ABCA13: variants seen among roughly 807,000 people sequenced by gnomAD.
The protein encoded by ABCA13 is ATP binding cassette subfamily A member 13.
Under a neutral mutation model 478.7 loss-of-function variants are expected in ABCA13, and 476 were observed. That is an observed-to-expected ratio of 0.99 (90% CI 0.92 to 1.07). The LOEUF is 1.07. ABCA13 is among the 50% of genes least tolerant of loss of function. The pLI is 0.00. For missense variants in ABCA13, 6,060 were observed against 5,910.6 expected (o/e 1.03, Z -0.83); for synonymous variants, 2,252 against 2,158.9 (o/e 1.04, Z -1.20).
intron 39 of ABCA13, among the ~76,000 whole-genome samples, chr7:48,407,862 G>T (rs1359948462): frequency 6.6e-6 from 1 of 151,982 alleles, no homozygotes; most frequent in Non-Finnish European, 1.5e-5. Context: ...TTATTAATAG[G>T]TATTATATGT....
intron 8 of ABCA13, among the ~76,000 whole-genome samples, chr7:48,237,365 T>G (rs541388206): frequency 7.2e-5 from 11 of 152,246 alleles, no homozygotes; most frequent in Non-Finnish European, 1.3e-4. Flanking sequence ...CAAGGGCAGG[T>G]TCTGTACCTG....
chr7:48,271,965 A>G lies in ABCA13; in HGVS notation c.2299A>G (p.Ile767Val). The G allele has an allele frequency of 6.2e-7, 1 of 1,613,664 alleles. No homozygotes were observed. Residue 767 changes from isoleucine (I) to valine (V), a missense_variant, in exon 17 of 62, where the codon ATT becomes GTT. Transcript: ENST00000435803. ...FHSLPSLTED[I>V]LNISSLWTNH... ...CAGCCTCCCATCTCTCACAGAGGAT[A>G]TTCTGAATATAAGTTCTCTGTGGAC...
chr7:48,471,039 T>C (rs929754001), intron 44 of ABCA13, among the ~76,000 whole-genome samples: 2 of 152,216 alleles, frequency 1.3e-5, no homozygotes, highest in African/African-American at 2.4e-5. Flanking sequence ...CTGCTACAAA[T>C]GGTTTTCATA....
chr7:48,511,178 C>G lies in ABCA13; in HGVS notation c.13619C>G (p.Ala4540Gly). Residue 4540 changes from alanine (A) to glycine (G), a missense_variant, in exon 51 of 62, where the codon GCC becomes GGC. Coordinates refer to ENST00000435803, the MANE Select transcript of ABCA13 (RefSeq NM_152701.5). ...TTCCGCAAGAACTTGGCAGCCACGGCCCTCCTGCTGTCACTTTTCGGGTAT... is the reference window on the plus strand; with the variant it reads ...TTCCGCAAGAACTTGGCAGCCACGGGCCTCCTGCTGTCACTTTTCGGGTAT... The part of the protein sequence containing the change: ...FTFRKNLAAT[A>G]LLLSLFGYAT... 6.2e-7 allele frequency: 1 copy of G among 1,612,794 alleles called. No individual in the cohort carries two copies. Among genetic ancestry groups the G allele is most frequent in the South Asian group, 1.1e-5 (1 of 90,840 alleles).
At chr7:48,562,430 A>G (rs1360062142) in intron 55 of ABCA13, among the ~76,000 whole-genome samples, 1 of 152,190 alleles carries the variant, frequency 6.6e-6, no homozygotes, top group Non-Finnish European at 1.5e-5. Flanking sequence ...ACCATGGGCA[A>G]AAACTCTTCT....
At position 48,239,156 on chromosome 7, in the gene ABCA13, T is replaced by C. The variant is rs531857014; in HGVS notation, c.898-85T>C. ...CAAGCAAATGTAAGAACTTTTACTG[T>C]GGCAAGATCGTGGTGTTATTTTTAG... On this transcript the variant is annotated intron_variant, in intron 8 of 61. Transcript: ENST00000435803. The C allele has an allele frequency of 1.1e-3, 1,501 of 1,419,098 alleles. 1 individual carries two copies. The highest frequency in any genetic ancestry group is 1.4e-3 in the Admixed American group (72 of 53,108). 87.9% of individuals were successfully genotyped at this position (1,419,098 alleles called of 1,614,324 possible). A position where few individuals can be genotyped will look rare whatever the true frequency, so the allele number is the denominator to read the frequency against.
intron 6 of ABCA13, among the ~76,000 whole-genome samples, chr7:48,228,345 A>G (rs1372787296): frequency 1.3e-5 from 2 of 152,142 alleles, no homozygotes; most frequent in Non-Finnish European, 2.9e-5. Flanking sequence ...CTCACCCTGG[A>G]GTTCCCTAAT....
At chr7:48,337,686 C>G (rs975390403) in intron 28 of ABCA13, among the ~76,000 whole-genome samples, 1 of 152,156 alleles carries the variant, frequency 6.6e-6, no homozygotes, top group African/African-American at 2.4e-5. Context: ...AGTATCTTTC[C>G]CTCTCAGCTT....
chr7:48,286,107 C>G (rs2128797240), intron 19 of ABCA13, among the ~76,000 whole-genome samples: 1 of 152,288 alleles, frequency 6.6e-6, no homozygotes, highest in African/African-American at 2.4e-5. Context: ...CCCATATACT[C>G]CCTTCCCCAC....
At chr7:48,549,382 A>G (rs889179500) in intron 55 of ABCA13, among the ~76,000 whole-genome samples, 3 of 151,864 alleles carry the variant, frequency 2.0e-5, no homozygotes, top group African/African-American at 7.2e-5. Context: ...TGTCCCTGCA[A>G]AAGGACATGA....
rs191483345 is a variant in ABCA13, at chr7:48,501,509, G to A, written c.13292-4827G>A. Among the ~76,000 whole-genome samples the A allele has an allele frequency of 1.3e-3, 202 of 152,200 alleles. 2 individuals are homozygous for A. The highest frequency in any genetic ancestry group is 4.7e-3 in the African/African-American group (197 of 41,514). On this transcript the variant is annotated intron_variant, in intron 48 of 61. Transcript: ENST00000435803. ...ATCATGTAAATTATAGGACTCTAAA[G>A]CCTGTGCCAAATGAAAATCTGTGGC... is the stretch of plus-strand genomic sequence containing the variant.
In ABCA13 at chr7:48,272,462, C is replaced by T; in HGVS notation, c.2796C>T (p.Ala932=). The change falls in exon 17 of 62, where the codon GCC becomes GCT. Residue 932 remains alanine (A), a synonymous_variant. Coordinates refer to ENST00000435803, the MANE Select transcript of ABCA13 (RefSeq NM_152701.5). ...GGAATGCATCTGATCTTTTCTCAGCCCTTTCTGAACCACAAAAACAAGAAG... is the reference window on the plus strand; with the variant it reads ...GGAATGCATCTGATCTTTTCTCAGCTCTTTCTGAACCACAAAAACAAGAAG... ...AIRNASDLFS[A]LSEPQKQEVD... The T allele has an allele frequency of 6.2e-7, 1 of 1,613,736 alleles. No individual in the cohort carries two copies. Among genetic ancestry groups the T allele is most frequent in the Non-Finnish European group, 8.5e-7 (1 of 1,179,754 alleles).
Position 48,524,271 on chromosome 7 carries a change from C to G in ABCA13, c.14075C>G (p.Thr4692Arg). Residue 4692 changes from threonine (T) to arginine (R), a missense_variant, in exon 54 of 62, where the codon ACA (threonine) becomes AGA (arginine). Physicochemically the swap from Thr to Arg is moderately conservative, Grantham distance 71. Coordinates refer to ENST00000435803, the MANE Select transcript of ABCA13 (RefSeq NM_152701.5). ...AGGGGTCATTCTACTCTCCAAGGCA[C>G]AGTCAAATCTTCTAAGGATACAGAT... ...WPRGHSTLQG[T>R]VKSSKDTDVE... 1 of 1,612,140 alleles carries G rather than the reference C, an allele frequency of 6.2e-7. No homozygotes were observed. The highest frequency in any genetic ancestry group is 8.5e-7 in the Non-Finnish European group (1 of 1,179,166).
intron 42 of ABCA13, among the ~76,000 whole-genome samples, chr7:48,454,150 T>G (rs887600493): frequency 3.9e-5 from 6 of 152,192 alleles, no homozygotes; most frequent in African/African-American, 1.4e-4. Flanking sequence ...CTGGAGTACT[T>G]TAGAGTCAAT....
chr7:48,254,358 G>A (rs1793062226), intron 15 of ABCA13, among the ~76,000 whole-genome samples: 1 of 151,894 alleles, frequency 6.6e-6, no homozygotes, highest in South Asian at 2.1e-4. Flanking sequence ...CGAATTATGA[G>A]GCTCAAGTGA....
intron 59 of ABCA13, 31 bp downstream of exon 59, chr7:48,615,408 T>G: frequency 6.5e-7 from 1 of 1,532,794 alleles, no homozygotes; most frequent in South Asian, 1.2e-5. Context: ...TGCTTAGATA[T>G]TTACTATGAA....
Position 48,372,291 on chromosome 7 carries a change from G to T in ABCA13, c.10927G>T (p.Ala3643Ser). ...AIVLKTSGIF[A>S]HSNTFIVFLF... ...CGTTCTGAAAACAAGTGGCATCTTT[G>T]CACACAGCAATACCTTTATTGTTTT... The change falls in exon 33 of 62, where the codon GCA becomes TCA. Residue 3643 changes from alanine (A) to serine (S), a missense_variant. By Grantham distance (99) the Ala-to-Ser change is moderately conservative. This residue lies in a region of ABCA13 where 4,423 missense variants were observed against 4,309.1 expected (regional missense o/e 1.03). Transcript: ENST00000435803. The T allele has an allele frequency of 1.2e-6, 2 of 1,613,872 alleles. No individual in the cohort carries two copies. The highest frequency in any genetic ancestry group is 1.7e-6 in the Non-Finnish European group (2 of 1,179,820).
At chr7:48,569,480 T>C (rs892483673) in intron 55 of ABCA13, among the ~76,000 whole-genome samples, 4 of 152,194 alleles carry the variant, frequency 2.6e-5, no homozygotes, top group African/African-American at 7.2e-5. Flanking sequence ...GAACATACTT[T>C]GTATGATTTC....
intron 35 of ABCA13, among the ~76,000 whole-genome samples, chr7:48,384,341 G>T (rs1476561857): frequency 6.6e-6 from 1 of 152,224 alleles, no homozygotes; most frequent in African/African-American, 2.4e-5. Flanking sequence ...CTTTCTTGTT[G>T]TAAAAGGCAA....
Sources: allele counts gnomAD v4.1 joint callset (sites outside exome capture counted in the v4.1 genomes callset), GRCh38; gene constraint gnomAD v4.1.1; regional missense constraint gnomAD v4.1.1; transcripts MANE v1.5; gene names NCBI Gene and HGNC (gene_info 2026-07-23, HGNC 2026-07-21).